PRICKLE2: variants seen among roughly 807,000 people sequenced by gnomAD.
The protein encoded by PRICKLE2 is prickle planar cell polarity protein 2.
In PRICKLE2, 21 loss-of-function variants were observed where a neutral mutation model predicts 81.4. The observed-to-expected ratio is 0.26, with a 90% CI of 0.18 to 0.37. The LOEUF (loss-of-function observed/expected upper bound fraction) is 0.37. PRICKLE2 is among the 10% of genes least tolerant of loss of function. The pLI is 1.00. For synonymous variants in PRICKLE2, 456 were observed against 421.5 expected (o/e 1.08, Z -1.00); for missense variants, 940 against 1,109.0 (o/e 0.85, Z 2.16).
At chr3:64,241,796 C>T (rs571913402) in intron 2 of PRICKLE2, among the ~76,000 whole-genome samples, 13 of 152,332 alleles carry the variant, frequency 8.5e-5, no homozygotes, top group Admixed American at 8.5e-4. Flanking sequence ...GAAGGCAACA[C>T]AAAAGGGCCT....
rs2077472888 is a variant in PRICKLE2 at position 64,147,317 on chromosome 3, G to T, written c.1173C>A (p.Asp391Glu). ...LSSQTPSLNR[D>E]PIWRSREEPY... Reference sequence around the variant, plus strand: ...GCTCTTCCCGGCTCCTCCAGATGGGGTCCCGGTTGAGGCTGGGTGTCTGGC... The same window carrying T: ...GCTCTTCCCGGCTCCTCCAGATGGGTTCCCGGTTGAGGCTGGGTGTCTGGC... The change falls in exon 7 of 8, where the codon GAC becomes GAA. Residue 391 changes from aspartate to glutamate, a missense_variant. Transcript: ENST00000638394. The surrounding 1 kb of genome is among the most constrained non-coding windows in gnomAD (Gnocchi z 5.0). The T allele has an allele frequency of 6.2e-7, 1 of 1,614,052 alleles. No individual in the cohort carries two copies. Among genetic ancestry groups the T allele is most frequent in the Non-Finnish European group, 8.5e-7 (1 of 1,179,966 alleles).
intron 7 of PRICKLE2, among the ~76,000 whole-genome samples, chr3:64,134,096 G>A (rs528950313): frequency 2.6e-5 from 4 of 152,154 alleles, no homozygotes; most frequent in Non-Finnish European, 5.9e-5. Context: ...AGTGCTCCAC[G>A]CATGTTACCC....
upstream of PRICKLE2, among the ~76,000 whole-genome samples, chr3:64,228,271 G>T (rs959119212): frequency 6.6e-6 from 1 of 152,202 alleles, no homozygotes; most frequent in Non-Finnish European, 1.5e-5. Context: ...AGACAATTAA[G>T]TAGGCAATTA....
chr3:64,149,701 G>C (rs2077513016), intron 6 of PRICKLE2, among the ~76,000 whole-genome samples: 1 of 152,186 alleles, frequency 6.6e-6, no homozygotes, highest in Non-Finnish European at 1.5e-5. Context: ...GGGAGAAGAA[G>C]AGAATTGCAA....
intron 2 of PRICKLE2, among the ~76,000 whole-genome samples, chr3:64,251,350 C>A (rs1384053635): frequency 6.6e-6 from 1 of 152,208 alleles, no homozygotes; most frequent in Non-Finnish European, 1.5e-5. Flanking sequence ...ATACCAGGAG[C>A]TGGCAGTTCC....
At chr3:64,254,982 C>T (rs2079504073) in intron 2 of PRICKLE2, among the ~76,000 whole-genome samples, 1 of 152,118 alleles carries the variant, frequency 6.6e-6, no homozygotes, top group South Asian at 2.1e-4. Context: ...CAGTACCTAG[C>T]AAGCATTTAG....
At chr3:64,204,402 G>A (rs1449358004) in intron 1 of PRICKLE2, among the ~76,000 whole-genome samples, 3 of 152,134 alleles carry the variant, frequency 2.0e-5, no homozygotes, top group African/African-American at 7.2e-5. Context: ...TGGTTAAGTG[G>A]CTTGTAAGCA....
chr3:64,186,566 A>T (rs2078236947), intron 2 of PRICKLE2, among the ~76,000 whole-genome samples: 1 of 152,196 alleles, frequency 6.6e-6, no homozygotes, highest in Non-Finnish European at 1.5e-5. Flanking sequence ...AGGCCACCTA[A>T]AGCAACATAT....
At position 64,224,934 on chromosome 3, in the gene PRICKLE2, T is replaced by C; in HGVS notation, c.-65A>G. The C allele has an allele frequency of 1.2e-5, 12 of 985,290 alleles. No individual in the cohort carries two copies. The highest frequency in any genetic ancestry group is 1.4e-5 in the Non-Finnish European group (12 of 829,906). The allele number at this position is 985,290 out of a possible 1,614,324, so 61.0% of individuals were successfully genotyped here. On this transcript the variant is annotated 5_prime_UTR_variant, in exon 1 of 8. Transcript: ENST00000638394. ...CCTCCAGGGAGGATGAAATGCCCAG[T>C]CTCGGAGGAAGCTTCTGCCAGACCC...
At chr3:64,249,903 C>T (rs776967905) in intron 2 of PRICKLE2, among the ~76,000 whole-genome samples, 107 of 152,296 alleles carry the variant, frequency 7.0e-4, no homozygotes, top group Middle Eastern at 3.4e-3. Context: ...ATCAATATTG[C>T]TTTCACATGG....
chr3:64,199,960 G>A (rs764287293), intron 1 of PRICKLE2: 14 of 152,176 alleles, frequency 9.2e-5, no homozygotes, highest in African/African-American at 1.4e-4. Context: ...GTGCCTGAAC[G>A]TTCTGATAAC....
chr3:64,117,166 A>C (rs1414348205), intron 7 of PRICKLE2, among the ~76,000 whole-genome samples: 2 of 152,206 alleles, frequency 1.3e-5, no homozygotes, highest in Non-Finnish European at 2.9e-5. Flanking sequence ...CATGTAAAAA[A>C]CTTTCAATAA....
Position 64,120,245 on chromosome 3 carries a change from T to C in PRICKLE2, c.1661-20320A>G, listed in dbSNP as rs142362966. Among the ~76,000 whole-genome samples, 324 of 152,264 alleles carry C rather than the reference T, an allele frequency of 2.1e-3. 8 individuals carry two copies. The East Asian group carries it at 0.057, about 27-fold the overall frequency. ...AAGAAAAAGTCAACTTCTAATAAAATAGAAGCTATGGAATAAAGGTCTTAG... is the reference window on the plus strand; with the variant it reads ...AAGAAAAAGTCAACTTCTAATAAAACAGAAGCTATGGAATAAAGGTCTTAG... On this transcript the variant is annotated intron_variant, in intron 7 of 7. Coordinates refer to ENST00000638394, the MANE Select transcript of PRICKLE2 (RefSeq NM_198859.4).
intron 1 of PRICKLE2, among the ~76,000 whole-genome samples, chr3:64,217,476 G>A (rs2078889898): frequency 6.6e-6 from 1 of 152,126 alleles, no homozygotes; most frequent in Non-Finnish European, 1.5e-5. Flanking sequence ...AAAACTTTCA[G>A]TAAGCCTGCA....
At chr3:64,259,429 C>G (rs147497411) in intron 2 of PRICKLE2, among the ~76,000 whole-genome samples, 1 of 152,286 alleles carries the variant, frequency 6.6e-6, no homozygotes, top group African/African-American at 2.4e-5. Flanking sequence ...AACACCCTTG[C>G]TGCCTCTTCC....
intron 2 of PRICKLE2, among the ~76,000 whole-genome samples, chr3:64,240,560 G>A (rs567885147): frequency 3.3e-5 from 5 of 152,146 alleles, no homozygotes; most frequent in Non-Finnish European, 5.9e-5. Flanking sequence ...TCAGTGAATC[G>A]GTCCCATGGG....
intron 3 of PRICKLE2, among the ~76,000 whole-genome samples, chr3:64,161,483 A>C (rs745620277): frequency 9.2e-5 from 14 of 152,194 alleles, no homozygotes; most frequent in Non-Finnish European, 1.6e-4. Context: ...ATCTATGCAA[A>C]AAAGAAAATG....
chr3:64,225,388 G>A lies in PRICKLE2; in HGVS notation c.-519C>T. On this transcript the variant is annotated 5_prime_UTR_variant, in exon 1 of 8. Coordinates refer to ENST00000638394, the MANE Select transcript of PRICKLE2 (RefSeq NM_198859.4). The stretch of plus-strand genomic sequence containing the variant: ...CACAGAGCTCAAGCCACTGAACCAG[G>A]AAATGTGCTGCTTGGTCAAAAAATA... The A allele has an allele frequency of 1.0e-6, 1 of 985,376 alleles. No homozygotes were observed. Among genetic ancestry groups the A allele is most frequent in the Non-Finnish European group, 1.2e-6 (1 of 829,950 alleles). The allele number at this position is 985,376 out of a possible 1,614,324, so 61.0% of individuals were successfully genotyped here. A position where few individuals can be genotyped will look rare whatever the true frequency, so the allele number is the denominator to read the frequency against.
chr3:64,240,587 C>A (rs1480268086), intron 2 of PRICKLE2, among the ~76,000 whole-genome samples: 4 of 152,084 alleles, frequency 2.6e-5, no homozygotes, highest in Non-Finnish European at 5.9e-5. Context: ...AGAATTAATT[C>A]CTCTCCTCTG....
Sources: allele counts gnomAD v4.1 joint callset (sites outside exome capture counted in the v4.1 genomes callset), GRCh38; gene constraint gnomAD v4.1.1; non-coding constraint Gnocchi (gnomAD v3.1); transcripts MANE v1.5; gene names NCBI Gene and HGNC (gene_info 2026-07-23, HGNC 2026-07-21).